OLFM2: variants seen among roughly 807,000 people sequenced by gnomAD.
The protein encoded by OLFM2 is olfactomedin 2, also known as noelin-2.
Under a neutral mutation model 43.9 loss-of-function variants are expected in OLFM2, and 20 were observed. That is an observed-to-expected ratio of 0.46 (90% CI 0.32 to 0.66). The LOEUF is 0.66. OLFM2 is among the 30% of genes least tolerant of loss of function. The probability of loss-of-function intolerance (pLI) is 0.04; values close to 1 mark genes in which losing one functional copy is unlikely to be tolerated. For missense variants in OLFM2, 416 were observed against 643.6 expected, an observed-to-expected ratio of 0.65 and a Z score of 3.83; for synonymous variants, 268 against 278.6, an observed-to-expected ratio of 0.96 and a Z score of 0.38.
intron 1 of OLFM2, among the ~76,000 whole-genome samples, chr19:9,875,449 C>T (rs935666104): frequency 2.6e-5 from 4 of 151,596 alleles, no homozygotes; most frequent in African/African-American, 4.8e-5. Flanking sequence ...CGCCAATTTG[C>T]TGGGACTGAG....
At chr19:9,932,746 A>G (rs2086490761) in intron 1 of OLFM2, among the ~76,000 whole-genome samples, 3 of 152,160 alleles carry the variant, frequency 2.0e-5, no homozygotes, top group Admixed American at 6.5e-5. Flanking sequence ...GATAGTGCCA[A>G]CGATGTAGCT....
In OLFM2 at chr19:9,857,711, C is replaced by T. The variant is rs745935245; in HGVS notation, c.360+4G>A. The T allele has an allele frequency of 6.2e-7, 1 of 1,614,104 alleles. No individual in the cohort carries two copies. Among genetic ancestry groups the T allele is most frequent in the South Asian group, 1.1e-5 (1 of 91,080 alleles). On this transcript the variant is annotated splice_donor_region_variant and intron_variant, in intron 3 of 5. Coordinates refer to ENST00000264833, the MANE Select transcript of OLFM2 (RefSeq NM_058164.4). The surrounding 1 kb of genome is among the most constrained non-coding windows in gnomAD (Gnocchi z 5.7). ...ACCTCTGGTCTGGACACAGGAGGAC[C>T]CACCTGGAAGCTCTTGGCCGAGAGG... is the stretch of plus-strand genomic sequence containing the variant.
rs111577412 is a variant in OLFM2, at chr19:9,895,054, G to A, written c.64-34260C>T. ...ATCCTCCCCACCCCCGGGCCAGTGG[G>A]TCAGACACCCGGGCATTATCCTCAC... On this transcript the variant is annotated intron_variant, in intron 1 of 5. Coordinates refer to ENST00000264833, the MANE Select transcript of OLFM2 (RefSeq NM_058164.4). Among the ~76,000 whole-genome samples the A allele has an allele frequency of 2.1e-3, 324 of 152,138 alleles. 1 individual carries two copies. The highest frequency in any genetic ancestry group is 3.1e-3 in the Non-Finnish European group (211 of 68,026).
intron 2 of OLFM2, among the ~76,000 whole-genome samples, chr19:9,858,335 TC>T (rs2046340271): frequency 6.6e-6 from 1 of 150,574 alleles, no homozygotes; most frequent in African/African-American, 2.4e-5. Context: ...GGAGTGCTGT[TC>T]CCCCAAGTTC....
At chr19:9,903,805 C>T (rs2046760480) in intron 1 of OLFM2, among the ~76,000 whole-genome samples, 1 of 152,124 alleles carries the variant, frequency 6.6e-6, no homozygotes, top group Non-Finnish European at 1.5e-5. Context: ...GCACCAAGTG[C>T]CCCAGCCAGC....
At chr19:9,935,926 CTG>C (rs999394768) in intron 1 of OLFM2, among the ~76,000 whole-genome samples, 2 of 152,174 alleles carry the variant, frequency 1.3e-5, no homozygotes, top group African/African-American at 4.8e-5. Flanking sequence ...GCTTCAGAAA[CTG>C]GGCATCTCGG....
At chr19:9,876,782 G>T (rs914579107) in intron 1 of OLFM2, among the ~76,000 whole-genome samples, 10 of 152,180 alleles carry the variant, frequency 6.6e-5, no homozygotes, top group African/African-American at 2.2e-4. Flanking sequence ...CTGATGTCAT[G>T]AGGTGGTTGT....
chr19:9,886,748 A>C (rs2046590970), intron 1 of OLFM2, among the ~76,000 whole-genome samples: 1 of 149,918 alleles, frequency 6.7e-6, no homozygotes, highest in Non-Finnish European at 1.5e-5. Context: ...CTTTTTTTTA[A>C]ATCTCAGCTC....
chr19:9,895,872 G>C (rs1180926053), intron 1 of OLFM2, among the ~76,000 whole-genome samples: 1 of 152,018 alleles, frequency 6.6e-6, no homozygotes, highest in African/African-American at 2.4e-5. Flanking sequence ...CTGACCTCAA[G>C]TGATTCACCC....
chr19:9,935,974 C>T (rs907565592), intron 1 of OLFM2, among the ~76,000 whole-genome samples: 2 of 152,182 alleles, frequency 1.3e-5, no homozygotes, highest in East Asian at 1.9e-4. Flanking sequence ...CAACCGCCCC[C>T]CTCCAATGCC....
At position 9,856,089 on chromosome 19, in the gene OLFM2, G is replaced by A. The variant is rs2145428631; in HGVS notation, c.687+718C>T. Among the ~76,000 whole-genome samples, 1 of 152,228 alleles carries A rather than the reference G, an allele frequency of 6.6e-6. No homozygotes were observed. Among genetic ancestry groups the A allele is most frequent in the East Asian group, 1.9e-4 (1 of 5,172 alleles). On this transcript the variant is annotated intron_variant, in intron 5 of 5. Transcript: ENST00000264833. The surrounding 1 kb of genome is among the most constrained non-coding windows in gnomAD (Gnocchi z 4.0). ...GTTGTCATCATGTTAACTAGCATTT[G>A]TTGTTGTTTTTGTTTTGTTTTGTTT... is the stretch of plus-strand genomic sequence containing the variant.
chr19:9,897,104 A>C (rs1382025455), intron 1 of OLFM2, among the ~76,000 whole-genome samples: 1 of 152,066 alleles, frequency 6.6e-6, no homozygotes, highest in Admixed American at 6.6e-5. Context: ...CAAGGTGGGC[A>C]GATCACCTGA....
At chr19:9,931,910 T>C (rs377554249) in intron 1 of OLFM2, among the ~76,000 whole-genome samples, 6 of 151,874 alleles carry the variant, frequency 4.0e-5, no homozygotes, top group Admixed American at 2.6e-4. Flanking sequence ...CAGGAGCGAG[T>C]GTTCCCCTGA....
At chr19:9,878,381 C>CTTTTTTTT (rs34231833) in intron 1 of OLFM2, among the ~76,000 whole-genome samples, 3 of 57,672 alleles carry the variant, frequency 5.2e-5, no homozygotes, top group South Asian at 7.3e-4. Flanking sequence ...TCATTTCTCT[C>CTTTTTTTT]TTTTTTTTTT....
chr19:9,894,705 G>A (rs981387812), intron 1 of OLFM2, among the ~76,000 whole-genome samples: 4 of 151,770 alleles, frequency 2.6e-5, no homozygotes, highest in African/African-American at 4.8e-5. Context: ...GCAAAACTCC[G>A]TCTCAAAAGA....
chr19:9,926,566 A>C (rs766851034), intron 1 of OLFM2, among the ~76,000 whole-genome samples: 1 of 150,108 alleles, frequency 6.7e-6, no homozygotes, highest in Non-Finnish European at 1.5e-5. Context: ...ATAAATAAAT[A>C]AATAAATAAA....
chr19:9,924,554 C>T (rs1027884360), intron 1 of OLFM2, among the ~76,000 whole-genome samples: 1 of 152,140 alleles, frequency 6.6e-6, no homozygotes, highest in Non-Finnish European at 1.5e-5. Context: ...CCATTGCTCC[C>T]GGCCTGACAA....
rs1249442679 is a variant in OLFM2, at chr19:9,856,377, C to A, written c.687+430G>T. Among the ~76,000 whole-genome samples, 1 of 152,206 alleles carries A rather than the reference C, an allele frequency of 6.6e-6. No homozygotes were observed. The highest frequency in any genetic ancestry group is 1.5e-5 in the Non-Finnish European group (1 of 68,038). ...CCTCCCAAAGTGCTGGGATTACAGG[C>A]ATGAGCCACCATGCCCAGCCTCATG... On this transcript the variant is annotated intron_variant, in intron 5 of 5. Coordinates refer to ENST00000264833, the MANE Select transcript of OLFM2 (RefSeq NM_058164.4). This position sits in a 1 kb window ranked among gnomAD's most constrained non-coding sequence, Gnocchi z 4.0.
chr19:9,887,133 G>A (rs945437717), intron 1 of OLFM2, among the ~76,000 whole-genome samples: 2 of 152,084 alleles, frequency 1.3e-5, no homozygotes, highest in African/African-American at 2.4e-5. Context: ...AGAATAAATC[G>A]TTTAAGTACA....
Sources: allele counts gnomAD v4.1 joint callset (sites outside exome capture counted in the v4.1 genomes callset), GRCh38; gene constraint gnomAD v4.1.1; non-coding constraint Gnocchi (gnomAD v3.1); transcripts MANE v1.5; gene names NCBI Gene and HGNC (gene_info 2026-07-23, HGNC 2026-07-21).